The following LOC128706665 variants were observed in gnomAD, a reference collection of about 807,000 sequenced individuals.
the LOC128706665 span, among the ~76,000 whole-genome samples, chr20:10,430,713 G>A: frequency 6.6e-6 from 1 of 152,214 alleles, no homozygotes; most frequent in Non-Finnish European, 1.5e-5. Flanking sequence ...ACAGATAACT[G>A]TCAAGCTTCT....
At chr20:10,429,048 ACAAATTCCCTAAGG>A in the LOC128706665 span, among the ~76,000 whole-genome samples, 3 of 152,210 alleles carry the variant, frequency 2.0e-5, no homozygotes, top group Non-Finnish European at 2.9e-5. Flanking sequence ...AGAGTCAAAA[ACAAATTCCCTAAGG>A]CAACTGCCCT....
chr20:10,431,335 CTTCA>C, the LOC128706665 span, among the ~76,000 whole-genome samples: 2,652 of 152,140 alleles, frequency 0.017, 80 homozygotes, highest in African/African-American at 0.06. Flanking sequence ...GCAATTTTCA[CTTCA>C]AATATGTACA....
chr20:10,423,533 T>C, the LOC128706665 span, among the ~76,000 whole-genome samples: 1 of 152,204 alleles, frequency 6.6e-6, no homozygotes, highest in Non-Finnish European at 1.5e-5. Context: ...TGACAATCTG[T>C]AACACTAATG....
the LOC128706665 span, among the ~76,000 whole-genome samples, chr20:10,417,192 A>G: frequency 6.6e-6 from 1 of 150,710 alleles, no homozygotes; most frequent in African/African-American, 2.4e-5. Context: ...CAGAGGTTGC[A>G]GTGAGCCGAC....
chr20:10,430,208 A>G, the LOC128706665 span, among the ~76,000 whole-genome samples: 1 of 152,170 alleles, frequency 6.6e-6, no homozygotes, highest in Non-Finnish European at 1.5e-5. Flanking sequence ...ACTTTAAATC[A>G]TTTTTGTAAG....
the LOC128706665 span, among the ~76,000 whole-genome samples, chr20:10,431,438 G>C: frequency 6.6e-6 from 1 of 152,078 alleles, no homozygotes; most frequent in Non-Finnish European, 1.5e-5. Flanking sequence ...GAAGAGTAAG[G>C]CATGATTCTT....
At chr20:10,421,937 A>G in the LOC128706665 span, among the ~76,000 whole-genome samples, 3 of 152,116 alleles carry the variant, frequency 2.0e-5, no homozygotes, top group Admixed American at 2.0e-4. Flanking sequence ...GAGACATGCT[A>G]TGAACTTGGC....
chr20:10,430,705 A>G, the LOC128706665 span, among the ~76,000 whole-genome samples: 1 of 152,326 alleles, frequency 6.6e-6, no homozygotes, highest in African/African-American at 2.4e-5. Context: ...ATTATAGGAC[A>G]GATAACTGTC....
At chr20:10,427,026 AC>A in the LOC128706665 span, among the ~76,000 whole-genome samples, 1 of 135,584 alleles carries the variant, frequency 7.4e-6, no homozygotes, top group Non-Finnish European at 1.6e-5. Flanking sequence ...AAAAGAAAAC[AC>A]TGACACACAC....
At chr20:10,425,802 A>AT in the LOC128706665 span, among the ~76,000 whole-genome samples, 24,440 of 152,042 alleles carry the variant, frequency 0.16, 2,347 homozygotes, top group African/African-American at 0.25. Flanking sequence ...GAGAAATGAG[A>AT]TTTTTTCCCT....
At chr20:10,428,578 C>T in the LOC128706665 span, among the ~76,000 whole-genome samples, 2 of 152,206 alleles carry the variant, frequency 1.3e-5, no homozygotes, top group Non-Finnish European at 2.9e-5. Flanking sequence ...GTGGCTCACG[C>T]CTCTAATTCC....
At chr20:10,418,832 G>C in the LOC128706665 span, among the ~76,000 whole-genome samples, 1 of 151,982 alleles carries the variant, frequency 6.6e-6, no homozygotes, top group African/African-American at 2.4e-5. Context: ...TTACTAGTCT[G>C]AAAGACTATA....
the LOC128706665 span, among the ~76,000 whole-genome samples, chr20:10,432,994 T>C: frequency 3.3e-5 from 5 of 152,162 alleles, no homozygotes; most frequent in African/African-American, 9.6e-5. Context: ...CCATCTTTTT[T>C]CCCCCAGAAT....
At chr20:10,430,171 T>C in the LOC128706665 span, among the ~76,000 whole-genome samples, 1 of 152,246 alleles carries the variant, frequency 6.6e-6, no homozygotes, top group African/African-American at 2.4e-5. Flanking sequence ...ATCTAGATCC[T>C]GCCTACCAGT....
chr20:10,423,716 T>C, the LOC128706665 span, among the ~76,000 whole-genome samples: 2 of 152,196 alleles, frequency 1.3e-5, no homozygotes, highest in African/African-American at 4.8e-5. Context: ...CAATTTTATG[T>C]ATATTGTGCT....
At chr20:10,429,539 A>G in the LOC128706665 span, among the ~76,000 whole-genome samples, 2 of 152,130 alleles carry the variant, frequency 1.3e-5, no homozygotes, top group Non-Finnish European at 2.9e-5. Flanking sequence ...TCATATAAAA[A>G]TAAGTCCTCT....
chr20:10,432,930 A>C, the LOC128706665 span, among the ~76,000 whole-genome samples: 1 of 152,178 alleles, frequency 6.6e-6, no homozygotes, highest in Admixed American at 6.5e-5. Context: ...GTTACACTGC[A>C]GTGTTTAGGG....
At chr20:10,422,157 T>C in the LOC128706665 span, among the ~76,000 whole-genome samples, 1 of 152,174 alleles carries the variant, frequency 6.6e-6, no homozygotes, top group Non-Finnish European at 1.5e-5. Context: ...GCTATGAACA[T>C]GTTATTCTTA....
the LOC128706665 span, among the ~76,000 whole-genome samples, chr20:10,417,181 G>T: frequency 6.6e-6 from 1 of 150,770 alleles, no homozygotes; most frequent in Non-Finnish European, 1.5e-5. Context: ...AACCCAGAAG[G>T]CAGAGGTTGC....
Sources: gnomAD v4.1 joint callset for allele counts (sites outside exome capture counted in the v4.1 genomes callset) on GRCh38, gnomAD v4.1.1 for gene constraint, MANE v1.5 for transcripts.